Variants in BAZ1B observed in about 807,000 individuals in gnomAD.
The protein encoded by BAZ1B is tyrosine-protein kinase BAZ1B.
In BAZ1B, 22 loss-of-function variants were observed where a neutral mutation model predicts 153.8. The ratio of observed to expected loss-of-function variants is 0.14; its 90% CI spans 0.10 to 0.20. The LOEUF (loss-of-function observed/expected upper bound fraction) is 0.20. Among genes scored for constraint, BAZ1B ranks in the 10% least tolerant of loss-of-function variants. The probability of loss-of-function intolerance (pLI) is 1.00; values close to 1 mark genes in which losing one functional copy is unlikely to be tolerated. For missense variants in BAZ1B, 1,325 were observed against 1,799.3 expected (o/e 0.74, Z 4.77); for synonymous variants, 676 against 633.4 (o/e 1.07, Z -1.01).
At chr7:73,444,804 C>T (rs868965762) in intron 16 of BAZ1B, among the ~76,000 whole-genome samples, 4 of 152,058 alleles carry the variant, frequency 2.6e-5, no homozygotes, top group South Asian at 4.2e-4. Context: ...CACCTGAGGT[C>T]GGGAGTTCAA....
intron 3 of BAZ1B, among the ~76,000 whole-genome samples, chr7:73,506,416 G>A (rs935523166): frequency 2.0e-5 from 3 of 147,944 alleles, no homozygotes; most frequent in Non-Finnish European, 4.5e-5. Flanking sequence ...GGAGAATGGC[G>A]TGAACCCAGG....
intron 3 of BAZ1B, among the ~76,000 whole-genome samples, chr7:73,503,430 C>T (rs1554577399): frequency 6.6e-6 from 1 of 151,698 alleles, no homozygotes; most frequent in Non-Finnish European, 1.5e-5. Flanking sequence ...GGCTGGAGTA[C>T]AGTGGTGCGA....
intron 13 of BAZ1B, among the ~76,000 whole-genome samples, chr7:73,456,746 A>C (rs1167204625): frequency 6.6e-6 from 1 of 151,902 alleles, no homozygotes; most frequent in African/African-American, 2.4e-5. Flanking sequence ...GTTTGAGACC[A>C]GTCTGGCCAA....
rs80051903 is a variant in BAZ1B, at chr7:73,445,088, G to A, written c.3845-959C>T. Among the ~76,000 whole-genome samples, 786 of 152,144 alleles carry A rather than the reference G, an allele frequency of 5.2e-3. 10 individuals are homozygous for A. Among genetic ancestry groups the A allele is most frequent in the African/African-American group, 0.018 (748 of 41,460 alleles). On this transcript the variant is annotated intron_variant, in intron 16 of 19. Coordinates refer to ENST00000339594, the MANE Select transcript of BAZ1B (RefSeq NM_032408.4). ...TACTTGTGTCTCAGGTTTACAACAG[G>A]TGCTCACCATCAAGCCAACTGGCAT... is the stretch of plus-strand genomic sequence containing the variant.
rs558396715 is a variant in BAZ1B at position 73,444,214 on chromosome 7, A to G, written c.3845-85T>C. 3 of 1,417,850 alleles carry G rather than the reference A, an allele frequency of 2.1e-6. No homozygotes were observed. The South Asian group carries it at 4.5e-5, about 21-fold the overall frequency. The allele number at this position is 1,417,850 out of a possible 1,614,324, so 87.8% of individuals were successfully genotyped here. ...CGAAATGGGGGAAAGGGATGCAGGG[A>G]GAATCCTTTTCCTGGACAAGGAAAG... On this transcript the variant is annotated intron_variant, in intron 16 of 19. Coordinates refer to ENST00000339594, the MANE Select transcript of BAZ1B (RefSeq NM_032408.4).
intron 7 of BAZ1B, 132 bp downstream of exon 7, chr7:73,476,736 A>C (rs1166048771): frequency 5.0e-6 from 7 of 1,399,808 alleles, no homozygotes; most frequent in Non-Finnish European, 6.6e-6. Flanking sequence ...AATAAAATAC[A>C]TACCAATAGG....
intron 3 of BAZ1B, among the ~76,000 whole-genome samples, chr7:73,498,901 A>T (rs983128298): frequency 6.6e-6 from 1 of 152,236 alleles, no homozygotes; most frequent in Non-Finnish European, 1.5e-5. Flanking sequence ...AAATGAAATA[A>T]ATGATCACAA....
intron 6 of BAZ1B, among the ~76,000 whole-genome samples, chr7:73,483,153 G>C (rs1314437268): frequency 6.6e-6 from 1 of 152,134 alleles, no homozygotes; most frequent in Admixed American, 6.5e-5. Context: ...CGGCAACATG[G>C]AAGGTTGAAA....
At chr7:73,467,554 G>T (rs782473894) in intron 9 of BAZ1B, among the ~76,000 whole-genome samples, 2 of 151,888 alleles carry the variant, frequency 1.3e-5, no homozygotes, top group Non-Finnish European at 2.9e-5. Context: ...GTTTTTTGTA[G>T]AGACGGGGTT....
chr7:73,456,548 T>A (rs1016538157), intron 13 of BAZ1B, among the ~76,000 whole-genome samples: 3 of 152,190 alleles, frequency 2.0e-5, no homozygotes, highest in African/African-American at 4.8e-5. Flanking sequence ...CATGAAAAGA[T>A]GCTCAACATC....
At chr7:73,500,383 C>T (rs551483911) in intron 3 of BAZ1B, among the ~76,000 whole-genome samples, 1 of 151,566 alleles carries the variant, frequency 6.6e-6, no homozygotes, top group African/African-American at 2.4e-5. Context: ...ACAAAAAACA[C>T]AAAAAAATTT....
At chr7:73,447,885 C>G (rs1424055397) in intron 15 of BAZ1B, among the ~76,000 whole-genome samples, 1 of 152,234 alleles carries the variant, frequency 6.6e-6, no homozygotes, top group East Asian at 1.9e-4. Flanking sequence ...CAGCTCGGAA[C>G]AGCTGGTCCA....
intron 6 of BAZ1B, among the ~76,000 whole-genome samples, chr7:73,479,574 A>AC (rs1456028597): frequency 6.6e-6 from 1 of 151,144 alleles, no homozygotes; most frequent in African/African-American, 2.4e-5. Flanking sequence ...CTTTGAACAT[A>AC]CCCTCTTATG....
chr7:73,492,372 C>A (rs552843414), intron 5 of BAZ1B, among the ~76,000 whole-genome samples: 1 of 152,080 alleles, frequency 6.6e-6, no homozygotes, highest in African/African-American at 2.4e-5. Context: ...CCATGTTAGC[C>A]GGGATGGTCT....
chr7:73,492,998 T>C (rs1554575764), intron 4 of BAZ1B, 77 bp from the exon 5 acceptor site: 2 of 1,450,700 alleles, frequency 1.4e-6, no homozygotes, highest in African/African-American at 2.8e-5. Flanking sequence ...AAGTCTTAAC[T>C]GAACGTCTGC....
At chr7:73,518,367 C>G (rs868976255) in intron 1 of BAZ1B, among the ~76,000 whole-genome samples, 2 of 151,494 alleles carry the variant, frequency 1.3e-5, no homozygotes, top group African/African-American at 2.4e-5. Flanking sequence ...GAGCCTAGAT[C>G]GCGCCACTGC....
intron 4 of BAZ1B, among the ~76,000 whole-genome samples, chr7:73,497,682 A>T (rs1380299268): frequency 6.6e-5 from 10 of 151,780 alleles, no homozygotes; most frequent in Admixed American, 4.6e-4. Flanking sequence ...AAATATTGAG[A>T]GATGGGTTAA....
At chr7:73,499,281 G>A (rs1166532675) in intron 3 of BAZ1B, among the ~76,000 whole-genome samples, 2 of 152,114 alleles carry the variant, frequency 1.3e-5, no homozygotes, top group East Asian at 3.8e-4. Flanking sequence ...GCTTGTCTCA[G>A]CCTCCCAAAG....
chr7:73,501,351 T>A (rs1229896053), intron 3 of BAZ1B, among the ~76,000 whole-genome samples: 1 of 152,186 alleles, frequency 6.6e-6, no homozygotes, highest in Admixed American at 6.5e-5. Context: ...CTTGGCTACC[T>A]GATACTACCA....
Sources: gnomAD v4.1 joint callset for allele counts (sites outside exome capture counted in the v4.1 genomes callset) on GRCh38, gnomAD v4.1.1 for gene constraint, MANE v1.5 for transcripts, NCBI Gene and HGNC (gene_info 2026-07-23, HGNC 2026-07-21) for gene names.